The following NPLOC4 variants were observed in gnomAD, a reference collection of about 807,000 sequenced individuals.
NPLOC4 encodes the protein nuclear protein localization protein 4 homolog.
A neutral mutation model predicts 80.6 loss-of-function variants in NPLOC4; 18 were observed. The ratio of observed to expected loss-of-function variants is 0.22; its 90% CI spans 0.15 to 0.33. The LOEUF (loss-of-function observed/expected upper bound fraction) is 0.33. NPLOC4 is among the 10% of genes least tolerant of loss of function. NPLOC4 has a pLI of 1.00. For synonymous variants in NPLOC4, 313 were observed against 301.5 expected, an observed-to-expected ratio of 1.04 and a Z score of -0.39; for missense variants, 540 against 786.1, an observed-to-expected ratio of 0.69 and a Z score of 3.74.
chr17:81,618,270 G>A (rs1393982841), intron 3 of NPLOC4, among the ~76,000 whole-genome samples: 3 of 150,200 alleles, frequency 2.0e-5, no homozygotes, highest in Admixed American at 6.6e-5. Context: ...CTGCCCGGCC[G>A]CCCATCGTCT....
chr17:81,615,499 T>C (rs548053023), intron 3 of NPLOC4, among the ~76,000 whole-genome samples: 1 of 152,290 alleles, frequency 6.6e-6, no homozygotes, highest in South Asian at 2.1e-4. Context: ...TTAACAAATA[T>C]ACTCTAAAAT....
At chr17:81,625,155 G>A (rs2035765047) in intron 2 of NPLOC4, among the ~76,000 whole-genome samples, 2 of 152,162 alleles carry the variant, frequency 1.3e-5, no homozygotes, top group Non-Finnish European at 2.9e-5. Context: ...ACCAGGGGCA[G>A]GAATGGAATG....
intron 8 of NPLOC4, among the ~76,000 whole-genome samples, chr17:81,601,538 T>G (rs1191925814): frequency 6.6e-6 from 1 of 152,194 alleles, no homozygotes; most frequent in Admixed American, 6.5e-5. Flanking sequence ...ATTATAGATG[T>G]GAGCCACCAC....
In NPLOC4 at chr17:81,567,554, A is replaced by T. The variant is rs761486715; in HGVS notation, c.1450-21T>A. ...AAGTCCTAGAGGAATGGGAATAAAC[A>T]TGAATGTTCCATACAGTTCCCCAGT... On this transcript the variant is annotated intron_variant, in intron 14 of 16. Coordinates refer to ENST00000331134, the MANE Select transcript of NPLOC4 (RefSeq NM_017921.4). The surrounding 1 kb of genome is among the most constrained non-coding windows in gnomAD (Gnocchi z 4.5). 4.1e-6 allele frequency: 6 copies of T among 1,467,570 alleles called. No individual in the cohort carries two copies. The Admixed American group carries it at 1.0e-4, about 25-fold the overall frequency. 90.9% of individuals were successfully genotyped at this position (1,467,570 alleles called of 1,614,324 possible).
intron 11 of NPLOC4, among the ~76,000 whole-genome samples, chr17:81,591,286 T>A (rs1428227820): frequency 2.0e-5 from 3 of 151,388 alleles, no homozygotes; most frequent in Non-Finnish European, 4.4e-5. Flanking sequence ...AATATAAAAA[T>A]TAACTGGGCA....
At chr17:81,594,977 A>C (rs1167633435) in intron 11 of NPLOC4, among the ~76,000 whole-genome samples, 1 of 151,746 alleles carries the variant, frequency 6.6e-6, no homozygotes, top group Non-Finnish European at 1.5e-5. Flanking sequence ...AAACACAAAA[A>C]CCCGGCAAAC....
rs372900375 is a variant in NPLOC4 at position 81,569,164 on chromosome 17, C to G, written c.1354-53G>C. 37 of 1,216,994 alleles carry G rather than the reference C, an allele frequency of 3.0e-5. No individual in the cohort carries two copies. In the Admixed American group the frequency reaches 6.0e-4, roughly 20 times the overall value. 75.4% of individuals were successfully genotyped at this position (1,216,994 alleles called of 1,614,324 possible). A position where few individuals can be genotyped will look rare whatever the true frequency, so the allele number is the denominator to read the frequency against. On this transcript the variant is annotated intron_variant, in intron 13 of 16. Transcript: ENST00000331134. ...TAAATGAGGCTGAAAATGGTGTGGC[C>G]GACTCCCAGCCAGCCCAGAGCATCT...
At chr17:81,578,063 T>C (rs945913890) in intron 12 of NPLOC4, among the ~76,000 whole-genome samples, 1 of 152,202 alleles carries the variant, frequency 6.6e-6, no homozygotes, top group African/African-American at 2.4e-5. Context: ...ACTTGCTGCC[T>C]TCTCCTGACT....
chr17:81,635,842 C>T (rs538369109), intron 1 of NPLOC4, among the ~76,000 whole-genome samples: 1 of 152,222 alleles, frequency 6.6e-6, no homozygotes, highest in Non-Finnish European at 1.5e-5. Context: ...AACCAAAATG[C>T]TCCTGTCCAA....
intron 12 of NPLOC4, among the ~76,000 whole-genome samples, chr17:81,585,882 G>A (rs572839977): frequency 2.6e-5 from 4 of 152,148 alleles, no homozygotes; most frequent in East Asian, 1.9e-4. Flanking sequence ...CCAGCTACGC[G>A]GGAGGCTGAG....
intron 1 of NPLOC4, among the ~76,000 whole-genome samples, chr17:81,634,843 A>T (rs2036024974): frequency 6.6e-6 from 1 of 151,698 alleles, no homozygotes; most frequent in South Asian, 2.1e-4. Context: ...TCGGCCTCCC[A>T]AAGTGCTGGG....
intron 12 of NPLOC4, among the ~76,000 whole-genome samples, chr17:81,586,696 A>C (rs1255010640): frequency 6.6e-6 from 1 of 152,186 alleles, no homozygotes; most frequent in African/African-American, 2.4e-5. Flanking sequence ...GGAAAACAAG[A>C]AACTTCTGGA....
rs1353547992 is a variant in NPLOC4 at position 81,596,223 on chromosome 17, G to A, written c.1013C>T (p.Ser338Leu). ...GTCTCCTGCAGTGATGCACTCTTCTGAACTTAGGAAATAGGTGTCCTAAGA... is the reference window on the plus strand; with the variant it reads ...GTCTCCTGCAGTGATGCACTCTTCTAAACTTAGGAAATAGGTGTCCTAAGA... ...SRNKDTYFLS[S>L]EECITAGDFQ... Residue 338 changes from serine (S) to leucine (L), a missense_variant, in exon 11 of 17, where the codon TCA (serine) becomes TTA (leucine). Ser to Leu is a moderately radical substitution (Grantham distance 145). This residue lies in a region of NPLOC4 where 251 missense variants were observed against 377.5 expected (regional missense o/e 0.66). Coordinates refer to ENST00000331134, the MANE Select transcript of NPLOC4 (RefSeq NM_017921.4). 1.9e-6 allele frequency: 3 copies of A among 1,613,382 alleles called. No homozygotes were observed. The highest frequency in any genetic ancestry group is 2.5e-6 in the Non-Finnish European group (3 of 1,179,510).
intron 3 of NPLOC4, among the ~76,000 whole-genome samples, chr17:81,618,223 T>C (rs1458601925): frequency 3.0e-5 from 4 of 132,944 alleles, no homozygotes; most frequent in Non-Finnish European, 4.9e-5. Context: ...AGCGCCTCTT[T>C]CCGGCCGCCA....
chr17:81,583,050 AGAGT>A (rs2034487552), intron 12 of NPLOC4, among the ~76,000 whole-genome samples: 1 of 152,276 alleles, frequency 6.6e-6, no homozygotes, highest in South Asian at 2.1e-4. Context: ...CACGTGACGC[AGAGT>A]GTGTGTGACA....
chr17:81,613,139 A>AAC (rs542770836), intron 4 of NPLOC4, 179 bp downstream of exon 4: 16 of 551,536 alleles, frequency 2.9e-5, no homozygotes, highest in South Asian at 2.7e-4. Flanking sequence ...AAAAAAAAAA[A>AAC]CAAAAACCGA....
chr17:81,583,272 C>A (rs1003835500), intron 12 of NPLOC4, among the ~76,000 whole-genome samples: 1 of 152,156 alleles, frequency 6.6e-6, no homozygotes, highest in African/African-American at 2.4e-5. Flanking sequence ...TCTGTAACAA[C>A]CAGGAAGAAC....
At chr17:81,596,884 G>A (rs2034922957) in intron 10 of NPLOC4, among the ~76,000 whole-genome samples, 1 of 152,150 alleles carries the variant, frequency 6.6e-6, no homozygotes. Flanking sequence ...GGAGGCCAAG[G>A]CAGGCAGATC....
chr17:81,628,373 G>A (rs62074736), intron 2 of NPLOC4, among the ~76,000 whole-genome samples: 18,039 of 151,806 alleles, frequency 0.12, 1,228 homozygotes, highest in African/African-American at 0.19. Flanking sequence ...AATTAGTCAG[G>A]TATGGTGGCG....
Sources: allele counts gnomAD v4.1 joint callset (sites outside exome capture counted in the v4.1 genomes callset), GRCh38; gene constraint gnomAD v4.1.1; regional missense constraint gnomAD v4.1.1; non-coding constraint Gnocchi (gnomAD v3.1); transcripts MANE v1.5; gene names NCBI Gene and HGNC (gene_info 2026-07-23, HGNC 2026-07-21).